GPHN: variants seen among roughly 807,000 people sequenced by gnomAD.
GPHN encodes the protein gephyrin.
Under a neutral mutation model 95.5 loss-of-function variants are expected in GPHN, and 17 were observed. The ratio of observed to expected loss-of-function variants is 0.18; its 90% CI spans 0.12 to 0.27. The LOEUF is 0.27. GPHN is among the 10% of genes least tolerant of loss of function. GPHN has a pLI of 1.00. For missense variants in GPHN, 660 were observed against 978.1 expected (o/e 0.67, Z 4.34); for synonymous variants, 320 against 322.5 (o/e 0.99, Z 0.08).
At chr14:66,967,562 A>G (rs1236706824) in intron 9 of GPHN, among the ~76,000 whole-genome samples, 2 of 151,986 alleles carry the variant, frequency 1.3e-5, no homozygotes, top group Non-Finnish European at 2.9e-5. Flanking sequence ...GAATATTTGC[A>G]GATACTTAAA....
chr14:66,759,370 C>T (rs984066697), intron 2 of GPHN, among the ~76,000 whole-genome samples: 4 of 152,302 alleles, frequency 2.6e-5, no homozygotes, highest in East Asian at 1.9e-4. Flanking sequence ...AACTTGACTC[C>T]TTAAAGGAAG....
chr14:66,580,937 T>C (rs2061137271), intron 1 of GPHN, among the ~76,000 whole-genome samples: 1 of 151,608 alleles, frequency 6.6e-6, no homozygotes, highest in Non-Finnish European at 1.5e-5. Flanking sequence ...AGCAAACCAA[T>C]ACATGAAAAA....
intron 4 of GPHN, among the ~76,000 whole-genome samples, chr14:66,871,760 A>T (rs2063445862): frequency 6.6e-6 from 1 of 150,512 alleles, no homozygotes; most frequent in Non-Finnish European, 1.5e-5. Flanking sequence ...AACAACACAC[A>T]CTGGGGCCTG....
At chr14:66,717,461 A>G (rs1467968389) in intron 2 of GPHN, among the ~76,000 whole-genome samples, 4 of 151,760 alleles carry the variant, frequency 2.6e-5, no homozygotes, top group Non-Finnish European at 5.9e-5. Context: ...TGCTTCCCTG[A>G]TTAGCTTAAT....
At position 66,638,229 on chromosome 14, in the gene GPHN, T is replaced by A. The variant is rs551379883; in HGVS notation, c.65-42878T>A. Reference sequence around the variant, plus strand: ...TGGGTGAATCACTTGAGATCGGGAGTTCGAGACCAGCCTGGCCAACATAGT... The same window carrying A: ...TGGGTGAATCACTTGAGATCGGGAGATCGAGACCAGCCTGGCCAACATAGT... On this transcript the variant is annotated intron_variant, in intron 1 of 22. Coordinates refer to ENST00000478722, the MANE Select transcript of GPHN (RefSeq NM_020806.5). Among the ~76,000 whole-genome samples, 364 of 152,118 alleles carry A rather than the reference T, an allele frequency of 2.4e-3. 4 individuals carry two copies. Among genetic ancestry groups the A allele is most frequent in the African/African-American group, 8.3e-3 (344 of 41,500 alleles).
chr14:66,629,184 TATAA>T (rs1566729421), intron 1 of GPHN, among the ~76,000 whole-genome samples: 41 of 136,566 alleles, frequency 3.0e-4, no homozygotes, highest in Admixed American at 3.8e-4. Context: ...TATATACATA[TATAA>T]ATATGTATAT....
At chr14:67,708,800 T>TG in the GPHN span, among the ~76,000 whole-genome samples, 37 of 151,144 alleles carry the variant, frequency 2.4e-4, no homozygotes, top group Non-Finnish European at 4.9e-4. Flanking sequence ...ATACCTTTTT[T>TG]TTTTTTTTTT....
chr14:66,755,576 A>G (rs554569960), intron 2 of GPHN, among the ~76,000 whole-genome samples: 3 of 152,120 alleles, frequency 2.0e-5, no homozygotes, highest in Non-Finnish European at 2.9e-5. Context: ...TTTTTCAGGT[A>G]CCTTTCTTTA....
chr14:66,886,126 A>T (rs1434680560), intron 5 of GPHN, among the ~76,000 whole-genome samples: 1 of 152,208 alleles, frequency 6.6e-6, no homozygotes, highest in Non-Finnish European at 1.5e-5. Flanking sequence ...GTAAATATCA[A>T]TAAATATATT....
the GPHN span, among the ~76,000 whole-genome samples, chr14:67,450,496 G>A: frequency 2.6e-5 from 4 of 152,216 alleles, no homozygotes; most frequent in Non-Finnish European, 4.4e-5. Flanking sequence ...ATAAAGTCAG[G>A]CTGAGGTGGT....
chr14:67,615,626 G>C, the GPHN span: 4 of 553,856 alleles, frequency 7.2e-6, no homozygotes, highest in Non-Finnish European at 1.4e-5. Context: ...TGCTTAGTGA[G>C]GGGGAAGACC....
At chr14:67,135,544 G>C (rs1306621006) in intron 17 of GPHN, among the ~76,000 whole-genome samples, 1 of 152,124 alleles carries the variant, frequency 6.6e-6, no homozygotes, top group Non-Finnish European at 1.5e-5. Context: ...TGGTATTGTA[G>C]GTAAGAAGTC....
chr14:67,658,575 T>C, the GPHN span, among the ~76,000 whole-genome samples: 3,511 of 152,204 alleles, frequency 0.023, 145 homozygotes, highest in African/African-American at 0.081. Context: ...CCAGCCTGGG[T>C]GACAGAGCGA....
the GPHN span, chr14:67,690,306 C>A: frequency 3.1e-6 from 5 of 1,614,160 alleles, no homozygotes; most frequent in Non-Finnish European, 4.2e-6. Context: ...TCTCGCCCTG[C>A]AGGTTATGGA....
At chr14:66,617,351 G>A (rs550989056) in intron 1 of GPHN, among the ~76,000 whole-genome samples, 47 of 152,302 alleles carry the variant, frequency 3.1e-4, no homozygotes, top group African/African-American at 1.1e-3. Context: ...GCATGGGTTC[G>A]CAAGTTGGAT....
chr14:66,546,092 G>A (rs1281535190), intron 1 of GPHN, among the ~76,000 whole-genome samples: 1 of 151,690 alleles, frequency 6.6e-6, no homozygotes, highest in East Asian at 2.0e-4. Context: ...CATCCCAGAC[G>A]GGGCGGCGGG....
intron 9 of GPHN, among the ~76,000 whole-genome samples, chr14:66,981,112 C>G (rs1455118129): frequency 6.6e-6 from 1 of 152,118 alleles, no homozygotes; most frequent in Non-Finnish European, 1.5e-5. Flanking sequence ...CTGTAACTTG[C>G]CACCATGATT....
the GPHN span, among the ~76,000 whole-genome samples, chr14:67,481,651 T>C: frequency 6.6e-6 from 1 of 152,226 alleles, no homozygotes; most frequent in South Asian, 2.1e-4. Flanking sequence ...AACCCATTTC[T>C]AATCAGCACA....
At chr14:66,631,575 T>G (rs1324680715) in intron 1 of GPHN, among the ~76,000 whole-genome samples, 1 of 152,172 alleles carries the variant, frequency 6.6e-6, no homozygotes, top group Non-Finnish European at 1.5e-5. Context: ...TGTAAATAAT[T>G]GTATCTCATA....
Sources: gnomAD v4.1 joint callset for allele counts (sites outside exome capture counted in the v4.1 genomes callset) on GRCh38, gnomAD v4.1.1 for gene constraint, MANE v1.5 for transcripts, NCBI Gene and HGNC (gene_info 2026-07-23, HGNC 2026-07-21) for gene names.